The following GPR18 variants were observed in gnomAD, a reference collection of about 807,000 sequenced individuals.
The protein encoded by GPR18 is G protein-coupled receptor 18.
GPR18 carries 20 observed loss-of-function variants against 22.8 expected under a neutral mutation model. That is an observed-to-expected ratio of 0.88 (90% CI 0.62 to 1.28). The LOEUF is 1.28. Ranked by LOEUF, GPR18 falls within the 50% of genes most tolerant of loss-of-function variation. The pLI is 0.00. For synonymous variants in GPR18, 160 were observed against 155.3 expected (o/e 1.03, Z -0.22); for missense variants, 379 against 412.0 (o/e 0.92, Z 0.69).
At chr13:99,257,931 T>C (rs1418928677) in intron 1 of GPR18, among the ~76,000 whole-genome samples, 3 of 152,226 alleles carry the variant, frequency 2.0e-5, no homozygotes, top group Non-Finnish European at 2.9e-5. Flanking sequence ...TAGTTTGTTA[T>C]GTTTATTTTT....
intron 1 of GPR18, among the ~76,000 whole-genome samples, chr13:99,256,993 G>T (rs2043573382): frequency 6.6e-6 from 1 of 152,156 alleles, no homozygotes; most frequent in Non-Finnish European, 1.5e-5. Flanking sequence ...GCTGTCTGTG[G>T]TCAGTGGCAT....
At position 99,258,334 on chromosome 13, in the gene GPR18, G is replaced by C. The variant is rs755540362; in HGVS notation, c.-215C>G. 1.3e-5 allele frequency: 2 copies of C among 152,184 alleles called. No homozygotes were observed. The highest frequency in any genetic ancestry group is 2.9e-5 in the Non-Finnish European group (2 of 68,034). The allele number at this position is 152,184 out of a possible 1,614,324, so 9.4% of individuals were successfully genotyped here. On this transcript the variant is annotated 5_prime_UTR_variant, in exon 1 of 2. Transcript: ENST00000397470. ...TTTAAAAAGTAGTTTCCAGTGTAAC[G>C]CTTGGCGTCGGAGTTGGTGCTGGGC...
At position 99,255,134 on chromosome 13, in the gene GPR18, G is replaced by C; in HGVS notation, c.739C>G (p.Pro247Ala). Residue 247 changes from proline (P) to alanine (A), a missense_variant, in exon 2 of 2, where the codon CCC becomes GCC. Pro to Ala is a conservative substitution (Grantham distance 27, BLOSUM62 -1). Coordinates refer to ENST00000397470, the MANE Select transcript of GPR18 (RefSeq NM_001098200.2). The stretch of plus-strand genomic sequence containing the variant: ...AGGAAAGCGAAACAGATGTGGAAGG[G>C]CATAAAGCAGACGAGCACCTGCACC... ...LLVQVLVCFM[P>A]FHICFAFLML... is the part of the protein sequence containing the mutation. The C allele has an allele frequency of 1.9e-6, 3 of 1,614,128 alleles. No homozygotes were observed. Among genetic ancestry groups the C allele is most frequent in the Non-Finnish European group, 2.5e-6 (3 of 1,180,036 alleles).
In GPR18 at chr13:99,255,096, C is replaced by T. The variant is rs143074994; in HGVS notation, c.777G>A (p.Thr259=). Residue 259 remains threonine, a synonymous_variant, in exon 2 of 2, where the codon ACG becomes ACA. Transcript: ENST00000397470. ...CCCAGGGATTGTAACTGTTCTCCCC[C>T]GTTCCCAGCATCAGGAAAGCGAAAC... is the stretch of plus-strand genomic sequence containing the variant. ...HICFAFLMLG[T]GENSYNPWGA... 1,303 of 1,614,124 alleles carry T rather than the reference C, an allele frequency of 8.1e-4. 1 individual carries two copies. Among genetic ancestry groups the T allele is most frequent in the Non-Finnish European group, 9.4e-4 (1,111 of 1,180,014 alleles).
At position 99,255,648 on chromosome 13, in the gene GPR18, T is replaced by G. The variant is rs1357137531; in HGVS notation, c.225A>C (p.Leu75Phe). The part of the protein sequence containing the change: ...ALVDLIFIMT[L>F]PFRMFYYAKD... ...TTGCATAATAAAACATTCGAAAGGG[T>G]AAAGTCATTATAAATATCAAGTCCA... Residue 75 changes from leucine (L) to phenylalanine (F), a missense_variant, in exon 2 of 2, where the codon TTA becomes TTC. By Grantham distance (22) the Leu-to-Phe change is conservative. Coordinates refer to ENST00000397470, the MANE Select transcript of GPR18 (RefSeq NM_001098200.2). The G allele has an allele frequency of 2.5e-6, 4 of 1,613,940 alleles. No individual in the cohort carries two copies. Among genetic ancestry groups the G allele is most frequent in the Non-Finnish European group, 3.4e-6 (4 of 1,179,952 alleles).
chr13:99,256,027 C>A, intron 1 of GPR18, 121 bp from the exon 2 acceptor site: 2 of 632,658 alleles, frequency 3.2e-6, no homozygotes, highest in Non-Finnish European at 5.3e-6. Flanking sequence ...AATCAAGGAA[C>A]GATTCAACTG....
At position 99,255,620 on chromosome 13, in the gene GPR18, C is replaced by T. The variant is rs1243627012; in HGVS notation, c.253G>A (p.Asp85Asn). Residue 85 changes from aspartate to asparagine, a missense_variant, in exon 2 of 2, where the codon GAT (aspartate) becomes AAT (asparagine). By Grantham distance (23) the Asp-to-Asn change is conservative. Coordinates refer to ENST00000397470, the MANE Select transcript of GPR18 (RefSeq NM_001098200.2). The part of the protein sequence containing the change: ...LPFRMFYYAK[D>N]EWPFGEYFCQ... ...AAGTACTCTCCAAATGGCCATTCAT[C>T]TTTTGCATAATAAAACATTCGAAAG... is the stretch of plus-strand genomic sequence containing the variant. The T allele has an allele frequency of 1.2e-6, 2 of 1,614,120 alleles. No individual in the cohort carries two copies. Among genetic ancestry groups the T allele is most frequent in the East Asian group, 4.5e-5 (2 of 44,880 alleles).
Position 99,255,294 on chromosome 13 carries a change from T to C in GPR18, c.579A>G (p.Thr193=), listed in dbSNP as rs533174058. The change falls in exon 2 of 2, where the codon ACA becomes ACG. Residue 193 remains threonine (T), a synonymous_variant. Transcript: ENST00000397470. The stretch of plus-strand genomic sequence containing the variant: ...TGAACAAAGGAATCAAGAAAAAAAA[T>C]GTCAGTCGAGTGAGGTTCAGCACGT... ...AVNVLNLTRL[T]FFFLIPLFIM... 3 of 1,613,752 alleles carry C rather than the reference T, an allele frequency of 1.9e-6. No homozygotes were observed. The African/African-American group carries it at 4.0e-5, about 22-fold the overall frequency.
rs193218266 is a variant in GPR18, at chr13:99,255,097, G to A, written c.776C>T (p.Thr259Met). 177 of 1,614,054 alleles carry A rather than the reference G, an allele frequency of 1.1e-4. No individual in the cohort carries two copies. Among genetic ancestry groups the A allele is most frequent in the Middle Eastern group, 1.6e-4 (1 of 6,062 alleles). ...CCAGGGATTGTAACTGTTCTCCCCC[G>A]TTCCCAGCATCAGGAAAGCGAAACA... ...HICFAFLMLGTGENSYNPWGA... is the reference protein window; with the variant it reads ...HICFAFLMLGMGENSYNPWGA... Residue 259 changes from threonine to methionine, a missense_variant, in exon 2 of 2, where the codon ACG (threonine) becomes ATG (methionine). Thr to Met is a moderately conservative substitution (Grantham distance 81). Transcript: ENST00000397470.
At position 99,255,680 on chromosome 13, in the gene GPR18, C is replaced by T; in HGVS notation, c.193G>A (p.Ala65Thr). 1 of 1,613,838 alleles carries T rather than the reference C, an allele frequency of 6.2e-7. No homozygotes were observed. Among genetic ancestry groups the T allele is most frequent in the Non-Finnish European group, 8.5e-7 (1 of 1,179,838 alleles). The change falls in exon 2 of 2, where the codon GCA becomes ACA. Residue 65 changes from alanine to threonine, a missense_variant. Transcript: ENST00000397470. The stretch of plus-strand genomic sequence containing the variant: ...ATTATAAATATCAAGTCCACTAATG[C>T]CACATTCATCATATAGATGGTTACC... The part of the protein sequence containing the change: ...TTVTIYMMNV[A>T]LVDLIFIMTL...
Position 99,255,553 on chromosome 13 carries a change from ATGCTTGGGTAAAACACTG to A in GPR18, c.302_319del (p.Thr101_Ser106del), listed in dbSNP as rs1566471182. 3 of 1,614,080 alleles carry A rather than the reference ATGCTTGGGTAAAACACTG, an allele frequency of 1.9e-6. No individual in the cohort carries two copies. Among genetic ancestry groups the A allele is most frequent in the Non-Finnish European group, 2.5e-6 (3 of 1,180,028 alleles). The stretch of plus-strand genomic sequence containing the variant: ...AATAAAGGCAAGAAGCCATAAAGCA[ATGCTTGGGTAAAACACTG>A]TGAGAGCTCCAAGAATCTGGCAGAA... On this transcript the variant is annotated inframe_deletion, in exon 2 of 2. Coordinates refer to ENST00000397470, the MANE Select transcript of GPR18 (RefSeq NM_001098200.2).
intron 1 of GPR18, among the ~76,000 whole-genome samples, chr13:99,257,808 A>G (rs1258335719): frequency 6.6e-6 from 1 of 152,210 alleles, no homozygotes; most frequent in Non-Finnish European, 1.5e-5. Context: ...TCTTTCCTTA[A>G]GTTGAAAAAA....
At position 99,254,919 on chromosome 13, in the gene GPR18, A is replaced by G. The variant is rs1443693039; in HGVS notation, c.954T>C (p.Gly318=). The change falls in exon 2 of 2, where the codon GGT becomes GGC. Residue 318 remains glycine, a synonymous_variant. Coordinates refer to ENST00000397470, the MANE Select transcript of GPR18 (RefSeq NM_001098200.2). ...RSMRRKSFRS[G]SLRSLSNINS... ...TTATATTGCTTAGTGACCGTAGACT[A>G]CCAGATCGGAAACTTTTTCTGCGCA... 6.2e-7 allele frequency: 1 copy of G among 1,614,036 alleles called. No homozygotes were observed. The highest frequency in any genetic ancestry group is 1.1e-5 in the South Asian group (1 of 91,082).
chr13:99,256,696 T>C (rs12876124), intron 1 of GPR18, among the ~76,000 whole-genome samples: 9,080 of 118,242 alleles, frequency 0.077, 375 homozygotes, highest in Middle Eastern at 0.17. Context: ...TAGAAACTTA[T>C]AAATTTCCAT....
At chr13:99,256,741 A>T (rs2043567549) in intron 1 of GPR18, among the ~76,000 whole-genome samples, 1 of 150,142 alleles carries the variant, frequency 6.7e-6, no homozygotes, top group Non-Finnish European at 1.5e-5. Flanking sequence ...TTTTAAATGG[A>T]AAGGAGGTTA....
chr13:99,254,829 GT>G lies in GPR18; in HGVS notation c.*47del. On this transcript the variant is annotated 3_prime_UTR_variant, in exon 2 of 2. Transcript: ENST00000397470. ...CAGAATATCCATTGACGCCAGAGTA[GT>G]TAGTGAAGTGAATTTTGATGGGATT... The G allele has an allele frequency of 7.0e-7, 1 of 1,438,088 alleles. No individual in the cohort carries two copies. The highest frequency in any genetic ancestry group is 9.6e-7 in the Non-Finnish European group (1 of 1,040,726). The allele number at this position is 1,438,088 out of a possible 1,614,324, so 89.1% of individuals were successfully genotyped here. A position where few individuals can be genotyped will look rare whatever the true frequency, so the allele number is the denominator to read the frequency against.
At position 99,255,649 on chromosome 13, in the gene GPR18, A is replaced by G. The variant is rs1212560392; in HGVS notation, c.224T>C (p.Leu75Ser). 6.2e-7 allele frequency: 1 copy of G among 1,614,150 alleles called. No individual in the cohort carries two copies. Among genetic ancestry groups the G allele is most frequent in the Non-Finnish European group, 8.5e-7 (1 of 1,179,984 alleles). The change falls in exon 2 of 2, where the codon TTA (leucine) becomes TCA (serine). Residue 75 changes from leucine to serine, a missense_variant. By Grantham distance (145) the Leu-to-Ser change is moderately radical. Coordinates refer to ENST00000397470, the MANE Select transcript of GPR18 (RefSeq NM_001098200.2). The part of the protein sequence containing the change: ...ALVDLIFIMT[L>S]PFRMFYYAKD... ...TGCATAATAAAACATTCGAAAGGGT[A>G]AAGTCATTATAAATATCAAGTCCAC...
rs2043544560 is a variant in GPR18, at chr13:99,255,840, G to A, written c.33C>T (p.Val11=). 1 of 1,598,610 alleles carries A rather than the reference G, an allele frequency of 6.3e-7. No homozygotes were observed. Among genetic ancestry groups the A allele is most frequent in the Non-Finnish European group, 8.5e-7 (1 of 1,173,020 alleles). Residue 11 remains valine, a synonymous_variant, in exon 2 of 2, where the codon GTC becomes GTT. Coordinates refer to ENST00000397470, the MANE Select transcript of GPR18 (RefSeq NM_001098200.2). ...CATCTGGATGTGAGCTGTTAAAAGG[G>A]ACAGGTTGATCTTGATTGTTCAGGG... The part of the protein sequence containing the change: MITLNNQDQP[V]PFNSSHPDEY...
chr13:99,254,997 T>G lies in GPR18; in HGVS notation c.876A>C (p.Gln292His), dbSNP rs766783804. ...DVILYYIVSK[Q>H]FQARVISVML... is the part of the protein sequence containing the mutation. Reference sequence around the variant, plus strand: ...TGACACTAATGACTCGAGCCTGAAATTGTTTTGAAACGATGTAGTAGAGAA... The same window carrying G: ...TGACACTAATGACTCGAGCCTGAAAGTGTTTTGAAACGATGTAGTAGAGAA... The change falls in exon 2 of 2, where the codon CAA (glutamine) becomes CAC (histidine). Residue 292 changes from glutamine (Q) to histidine (H), a missense_variant. By Grantham distance (24) the Gln-to-His change is conservative. Coordinates refer to ENST00000397470, the MANE Select transcript of GPR18 (RefSeq NM_001098200.2). 4 of 1,613,956 alleles carry G rather than the reference T, an allele frequency of 2.5e-6. No homozygotes were observed. The African/African-American group carries it at 5.3e-5, about 22-fold the overall frequency.
Sources: allele counts gnomAD v4.1 joint callset (sites outside exome capture counted in the v4.1 genomes callset), GRCh38; gene constraint gnomAD v4.1.1; transcripts MANE v1.5; gene names NCBI Gene and HGNC (gene_info 2026-07-23, HGNC 2026-07-21).